The following STK10 variants were observed in gnomAD, a reference collection of about 807,000 sequenced individuals.
STK10 encodes the protein serine/threonine-protein kinase 10.
Under a neutral mutation model 113.8 loss-of-function variants are expected in STK10, and 78 were observed. That is an observed-to-expected ratio of 0.69 (90% CI 0.57 to 0.83). The LOEUF is 0.83. Ranked by LOEUF, STK10 falls within the 40% of genes least tolerant of loss-of-function variation. The probability of loss-of-function intolerance (pLI) is 0.00; values close to 1 mark genes in which losing one functional copy is unlikely to be tolerated. For synonymous variants in STK10, 465 were observed against 494.7 expected (o/e 0.94, Z 0.80); for missense variants, 1,109 against 1,280.1 (o/e 0.87, Z 2.04).
At chr5:172,156,475 G>T in intron 2 of STK10, 149 bp downstream of exon 2, 1 of 1,022,206 alleles carries the variant, frequency 9.8e-7, no homozygotes, top group Non-Finnish European at 1.4e-6. Flanking sequence ...TGGGTAAGTG[G>T]CCAGGAGCTC....
At chr5:172,115,936 G>C (rs545805970) in intron 4 of STK10, among the ~76,000 whole-genome samples, 2 of 152,324 alleles carry the variant, frequency 1.3e-5, no homozygotes, top group African/African-American at 4.8e-5. Flanking sequence ...TGGTCCACCT[G>C]CCAAGTCTCC....
rs1295224254 is a variant in STK10, at chr5:172,187,910, C to T, written c.133G>A (p.Gly45Ser). The T allele has an allele frequency of 1.2e-6, 2 of 1,613,222 alleles. No individual in the cohort carries two copies. ...VWEIVGELGD[G>S]AFGKVYKAKN... is the part of the protein sequence containing the mutation. ...ACCTTGTAAACCTTGCCGAAGGCGC[C>T]GTCGCCCAGCTCGCCCACGATCTCC... is the stretch of plus-strand genomic sequence containing the variant. The change falls in exon 1 of 19, where the codon GGC becomes AGC. Residue 45 changes from glycine to serine, a missense_variant. This residue lies in a region of STK10 where 3 missense variants were observed against 16.3 expected (regional missense o/e 0.18). Transcript: ENST00000176763. This position sits in a 1 kb window ranked among gnomAD's most constrained non-coding sequence, Gnocchi z 4.6.
intron 1 of STK10, among the ~76,000 whole-genome samples, chr5:172,173,388 C>T (rs1334913393): frequency 6.6e-6 from 1 of 152,224 alleles, no homozygotes; most frequent in East Asian, 1.9e-4. Context: ...TGGCAACTGC[C>T]TCATAGGGCC....
chr5:172,130,486 A>G (rs3776755), intron 2 of STK10, among the ~76,000 whole-genome samples: 46,225 of 150,822 alleles, frequency 0.31, 8,322 homozygotes, highest in African/African-American at 0.5. Context: ...AGCGGAGATC[A>G]CACCACAGCA....
intron 18 of STK10, among the ~76,000 whole-genome samples, chr5:172,050,933 G>A (rs1554115045): frequency 6.6e-6 from 1 of 151,976 alleles, no homozygotes; most frequent in South Asian, 2.1e-4. Context: ...GGCTGGTCTC[G>A]AACTCCTGGG....
intron 3 of STK10, among the ~76,000 whole-genome samples, chr5:172,125,736 A>G (rs1581168517): frequency 6.6e-6 from 1 of 152,334 alleles, no homozygotes; most frequent in East Asian, 1.9e-4. Context: ...ATAGCTGTTT[A>G]TGCTTGCAAA....
Position 172,188,011 on chromosome 5 carries a change from C to A in STK10, c.32G>T (p.Arg11Leu), listed in dbSNP as rs115420947. The A allele has an allele frequency of 5.8e-5, 94 of 1,613,158 alleles. No homozygotes were observed. Among genetic ancestry groups the A allele is most frequent in the Non-Finnish European group, 6.9e-5 (81 of 1,179,710 alleles). Residue 11 changes from arginine to leucine, a missense_variant, in exon 1 of 19, where the codon CGC becomes CTC. This residue lies in a region of STK10 where 57 missense variants were observed against 53.6 expected (regional missense o/e 1.06). Coordinates refer to ENST00000176763, the MANE Select transcript of STK10 (RefSeq NM_005990.4). The surrounding 1 kb of genome is among the most constrained non-coding windows in gnomAD (Gnocchi z 5.6). Reference sequence around the variant, plus strand: ...CTTTCTCTTCTCGAAGGTAGACAGGCGCAGGATGCGGCGGAAATTGGCAAA... The same window carrying A: ...CTTTCTCTTCTCGAAGGTAGACAGGAGCAGGATGCGGCGGAAATTGGCAAA... MAFANFRRIL[R>L]LSTFEKRKSR...
At chr5:172,060,075 G>C (rs1161773536) in intron 14 of STK10, among the ~76,000 whole-genome samples, 2 of 152,168 alleles carry the variant, frequency 1.3e-5, no homozygotes, top group East Asian at 3.9e-4. Flanking sequence ...TCATGAGGGT[G>C]GAGCCCTCGT....
intron 2 of STK10, among the ~76,000 whole-genome samples, chr5:172,153,867 G>A (rs1352045372): frequency 6.6e-6 from 1 of 152,180 alleles, no homozygotes; most frequent in Non-Finnish European, 1.5e-5. Context: ...TATCTCCCCA[G>A]AGGACTCCTA....
At chr5:172,116,890 G>A (rs995959500) in intron 4 of STK10, among the ~76,000 whole-genome samples, 3 of 151,688 alleles carry the variant, frequency 2.0e-5, no homozygotes, top group East Asian at 3.9e-4. Context: ...AAAAAAGAAG[G>A]TTTTGATATA....
intron 1 of STK10, among the ~76,000 whole-genome samples, chr5:172,162,522 A>C (rs1212230114): frequency 6.6e-6 from 1 of 151,938 alleles, no homozygotes; most frequent in Non-Finnish European, 1.5e-5. Flanking sequence ...ATTTCTGTAC[A>C]TCCCCACCAG....
intron 1 of STK10, among the ~76,000 whole-genome samples, chr5:172,165,504 G>A (rs544596505): frequency 6.2e-4 from 95 of 152,338 alleles, no homozygotes; most frequent in African/African-American, 2.2e-3. Context: ...CCCTGGGGCT[G>A]GGGAGCAGTG....
chr5:172,117,082 C>A (rs546314072), intron 4 of STK10, among the ~76,000 whole-genome samples: 7 of 152,016 alleles, frequency 4.6e-5, no homozygotes, highest in African/African-American at 1.7e-4. Flanking sequence ...AGTTCGAGAC[C>A]AGCTTGGCCA....
At chr5:172,147,613 C>T (rs972674865) in intron 2 of STK10, among the ~76,000 whole-genome samples, 1 of 152,136 alleles carries the variant, frequency 6.6e-6, no homozygotes, top group African/African-American at 2.4e-5. Context: ...AGGGTGGTCT[C>T]GAACTTCTGA....
intron 7 of STK10, among the ~76,000 whole-genome samples, chr5:172,104,882 CT>C (rs1236147860): frequency 1.3e-5 from 2 of 152,162 alleles, no homozygotes; most frequent in East Asian, 3.8e-4. Context: ...ACTAAAAACC[CT>C]AAGGGGCTTC....
intron 7 of STK10, among the ~76,000 whole-genome samples, chr5:172,096,983 G>A (rs1217698496): frequency 1.3e-5 from 2 of 152,214 alleles, no homozygotes; most frequent in Non-Finnish European, 1.5e-5. Context: ...TATAAAATAT[G>A]CTACATACAT....
chr5:172,074,579 T>C (rs1475671947), intron 12 of STK10, among the ~76,000 whole-genome samples: 1 of 152,226 alleles, frequency 6.6e-6, no homozygotes, highest in Admixed American at 6.5e-5. Flanking sequence ...AAATGGATTA[T>C]ATATCAAAAT....
chr5:172,107,629 A>C, intron 5 of STK10, 151 bp downstream of exon 5: 1 of 611,574 alleles, frequency 1.6e-6, no homozygotes, highest in Non-Finnish European at 2.8e-6. Context: ...GGGAAAGCTA[A>C]ACAGCTTGTC....
At chr5:172,113,924 A>G (rs538499838) in intron 4 of STK10, among the ~76,000 whole-genome samples, 25 of 152,278 alleles carry the variant, frequency 1.6e-4, no homozygotes, top group South Asian at 1.0e-3. Flanking sequence ...AAAAAAAAAA[A>G]AAAGAAAAAC....
Sources: allele counts gnomAD v4.1 joint callset (sites outside exome capture counted in the v4.1 genomes callset), GRCh38; gene constraint gnomAD v4.1.1; regional missense constraint gnomAD v4.1.1; non-coding constraint Gnocchi (gnomAD v3.1); transcripts MANE v1.5; gene names NCBI Gene and HGNC (gene_info 2026-07-23, HGNC 2026-07-21).